Variants in EDA observed in about 807,000 individuals in gnomAD.
EDA encodes the protein ectodysplasin A.
A neutral mutation model predicts 23.6 loss-of-function variants in EDA; 2 were observed. The ratio of observed to expected loss-of-function variants is 0.08; its 90% CI spans 0.03 to 0.27. EDA has a LOEUF of 0.27. EDA is among the 10% of genes least tolerant of loss of function. The probability of loss-of-function intolerance (pLI) is 1.00; values close to 1 mark genes in which losing one functional copy is unlikely to be tolerated. For missense variants in EDA, 229 were observed against 324.2 expected, an observed-to-expected ratio of 0.71 and a Z score of 2.26; for synonymous variants, 131 against 132.0, an observed-to-expected ratio of 0.99 and a Z score of 0.05.
At chrX:69,722,616 C>T (rs1296885652) in intron 1 of EDA, among the ~76,000 whole-genome samples, 1 of 111,830 alleles carries the variant, frequency 8.9e-6, no homozygotes, top group Admixed American at 9.5e-5. Context: ...TTAAGGCTCA[C>T]ATCATTCTGA....
At chrX:70,012,118 A>T (rs1042874590) in intron 2 of EDA, among the ~76,000 whole-genome samples, 2 of 111,834 alleles carry the variant, frequency 1.8e-5, no homozygotes, top group Admixed American at 9.5e-5. Context: ...CCCGTACTGC[A>T]TAGCTATATG....
At chrX:69,712,011 C>T (rs1174091176) in intron 1 of EDA, among the ~76,000 whole-genome samples, 2 of 110,615 alleles carry the variant, frequency 1.8e-5, no homozygotes, top group African/African-American at 6.6e-5. Context: ...CTGCTCTGAT[C>T]TTAGTTATTT....
At chrX:69,877,126 G>A (rs2017658519) in intron 1 of EDA, among the ~76,000 whole-genome samples, 1 of 112,018 alleles carries the variant, frequency 8.9e-6, no homozygotes, top group African/African-American at 3.2e-5. Context: ...TCTGAGACCA[G>A]CCTGAGCCCA....
intron 1 of EDA, among the ~76,000 whole-genome samples, chrX:69,685,340 G>A (rs191217977): frequency 1.8e-5 from 2 of 112,221 alleles, no homozygotes; most frequent in African/African-American, 6.4e-5. Flanking sequence ...TTGTGTTGCA[G>A]TGAGATTACA....
intron 1 of EDA, among the ~76,000 whole-genome samples, chrX:69,709,390 C>T (rs2011874685): frequency 2.7e-5 from 3 of 111,869 alleles, no homozygotes; most frequent in South Asian, 7.4e-4. Context: ...GACATTTAAT[C>T]TTTCAGTCAG....
At chrX:69,689,497 G>A (rs1377505683) in intron 1 of EDA, among the ~76,000 whole-genome samples, 1 of 109,126 alleles carries the variant, frequency 9.2e-6, no homozygotes. Context: ...CACCGTGCCT[G>A]GCTAATTTTT....
chrX:69,626,741 C>T (rs968307967), intron 1 of EDA, among the ~76,000 whole-genome samples: 6 of 110,734 alleles, frequency 5.4e-5, no homozygotes, highest in Non-Finnish European at 9.5e-5. Flanking sequence ...AGCAGTGGAA[C>T]GAAATAAAGG....
intron 1 of EDA, among the ~76,000 whole-genome samples, chrX:69,934,681 A>G (rs1405126349): frequency 9.0e-6 from 1 of 111,616 alleles, no homozygotes; most frequent in African/African-American, 3.3e-5. Context: ...GTTACACGAG[A>G]TATTTTGATA....
intron 1 of EDA, among the ~76,000 whole-genome samples, chrX:69,876,383 AATAAGAATAAAAT>A (rs1163287152): frequency 2.7e-5 from 3 of 110,802 alleles, no homozygotes; most frequent in East Asian, 5.6e-4. Context: ...AGAATTTAAT[AATAAGAATAAAAT>A]ATAAGAATAA....
At chrX:69,959,820 G>A (rs1039934484) in intron 2 of EDA, among the ~76,000 whole-genome samples, 1 of 111,839 alleles carries the variant, frequency 8.9e-6, no homozygotes. Flanking sequence ...GAACATTTGG[G>A]AAGAGACCTG....
At chrX:69,828,726 C>T (rs999002706) in intron 1 of EDA, among the ~76,000 whole-genome samples, 2 of 112,356 alleles carry the variant, frequency 1.8e-5, no homozygotes, top group Non-Finnish European at 3.8e-5. Flanking sequence ...TGGCTCCTCC[C>T]TCATGTTATT....
At chrX:69,841,617 C>G (rs771429572) in intron 1 of EDA, among the ~76,000 whole-genome samples, 2 of 111,820 alleles carry the variant, frequency 1.8e-5, no homozygotes, top group Non-Finnish European at 3.8e-5. Context: ...TCCCAAAGTG[C>G]TGGGATTACA....
chrX:69,843,164 C>T (rs1376211996), intron 1 of EDA, among the ~76,000 whole-genome samples: 1 of 112,135 alleles, frequency 8.9e-6, no homozygotes, highest in Non-Finnish European at 1.9e-5. Context: ...TCCTTCAAGA[C>T]TCCAAATTTG....
chrX:69,753,115 C>T (rs1353543565), intron 1 of EDA, among the ~76,000 whole-genome samples: 2 of 110,805 alleles, frequency 1.8e-5, no homozygotes, highest in Non-Finnish European at 3.8e-5. Flanking sequence ...TTGCCTTCTG[C>T]TAGCTTTTGA....
chrX:70,003,360 G>T (rs907776963), intron 2 of EDA, among the ~76,000 whole-genome samples: 1 of 111,854 alleles, frequency 8.9e-6, no homozygotes, highest in Admixed American at 9.5e-5. Context: ...GATAATGATG[G>T]TGATAGAAAA....
In EDA at chrX:69,929,266, CA is replaced by C. The variant is rs777987048; in HGVS notation, c.397-27759del. ...GCTTAGAACTTGGCTCTGCATGGTC[CA>C]AGTTCAATGTCAATTTAAGACCCCA... On this transcript the variant is annotated intron_variant, in intron 1 of 7. Transcript: ENST00000374552. 1.7e-3 allele frequency among the ~76,000 whole-genome samples: 191 copies of C among 111,141 alleles called. 1 individual carries two copies. Among genetic ancestry groups the C allele is most frequent in the Non-Finnish European group, 3.0e-3 (160 of 52,900 alleles).
intron 1 of EDA, among the ~76,000 whole-genome samples, chrX:69,843,269 CATT>C (rs1221291409): frequency 1.5e-4 from 17 of 111,630 alleles, no homozygotes; most frequent in African/African-American, 5.5e-4. Flanking sequence ...AGGTTTATAA[CATT>C]ATGTTATAGG....
At chrX:69,887,952 C>A (rs1011776446) in intron 1 of EDA, among the ~76,000 whole-genome samples, 18 of 111,553 alleles carry the variant, frequency 1.6e-4, no homozygotes, top group Non-Finnish European at 2.6e-4. Flanking sequence ...CAAAAGGATG[C>A]TAATTAACAA....
In EDA at chrX:69,978,897, TAA is replaced by T. The variant is rs772347525; in HGVS notation, c.502+21768_502+21769del. On this transcript the variant is annotated intron_variant, in intron 2 of 7. Transcript: ENST00000374552. ...ATACTTCATTCCTTTTTTATCATGG[TAA>T]AATATACATAACAAAATTTACCATT... 1.6e-3 allele frequency among the ~76,000 whole-genome samples: 183 copies of T among 112,036 alleles called. 1 individual carries two copies. The highest frequency in any genetic ancestry group is 5.7e-3 in the African/African-American group (176 of 30,868).
Sources: allele counts gnomAD v4.1 joint callset (sites outside exome capture counted in the v4.1 genomes callset), GRCh38; gene constraint gnomAD v4.1.1; transcripts MANE v1.5; gene names NCBI Gene and HGNC (gene_info 2026-07-23, HGNC 2026-07-21).